The following CSMD1 variants were observed in gnomAD, a reference collection of about 807,000 sequenced individuals.
CSMD1 encodes CUB and sushi domain-containing protein 1.
CSMD1 carries 213 observed loss-of-function variants against 417.5 expected under a neutral mutation model. The observed-to-expected ratio is 0.51, with a 90% CI of 0.46 to 0.57. The LOEUF (loss-of-function observed/expected upper bound fraction) is 0.57, where lower values mean the gene tolerates loss of function less well. Ranked by LOEUF, CSMD1 falls within the 20% of genes least tolerant of loss-of-function variation. The probability of loss-of-function intolerance (pLI) is 0.00; values close to 1 mark genes in which losing one functional copy is unlikely to be tolerated. For missense variants in CSMD1, 6,923 were observed against 4,529.7 expected (o/e 1.53, Z -15.17); for synonymous variants, 2,862 against 1,736.8 (o/e 1.65, Z -16.11).
chr8:3,999,818 T>C (rs1339573867), intron 4 of CSMD1, among the ~76,000 whole-genome samples: 1 of 152,190 alleles, frequency 6.6e-6, no homozygotes, highest in Non-Finnish European at 1.5e-5. Flanking sequence ...GGTGTTCTCA[T>C]GTTTTAATAG....
rs144488267 is a variant in CSMD1, at chr8:4,357,285, C to A, written c.415+62668G>T. Among the ~76,000 whole-genome samples, 428 of 152,316 alleles carry A rather than the reference C, an allele frequency of 2.8e-3. 2 individuals are homozygous for A. The highest frequency in any genetic ancestry group is 9.5e-3 in the African/African-American group (396 of 41,568). ...TAAAAAGTAACCTTATAGATCTCATCTGGCCATTGTGCTTTCTCACATTTC... is the reference window on the plus strand; with the variant it reads ...TAAAAAGTAACCTTATAGATCTCATATGGCCATTGTGCTTTCTCACATTTC... On this transcript the variant is annotated intron_variant, in intron 3 of 69. Transcript: ENST00000635120.
chr8:3,411,869 T>C (rs1179304752), intron 12 of CSMD1, among the ~76,000 whole-genome samples: 1 of 124,218 alleles, frequency 8.1e-6, no homozygotes, highest in African/African-American at 2.8e-5. Context: ...CACGTATATA[T>C]GCACGTATAT....
chr8:3,110,690 A>C (rs1324815356), intron 42 of CSMD1, among the ~76,000 whole-genome samples: 5 of 152,244 alleles, frequency 3.3e-5, no homozygotes, highest in Non-Finnish European at 5.9e-5. Context: ...GAAAGTATTC[A>C]TAAATATGTA....
chr8:3,269,718 C>G (rs988054479), intron 26 of CSMD1, among the ~76,000 whole-genome samples: 1 of 152,124 alleles, frequency 6.6e-6, no homozygotes, highest in Non-Finnish European at 1.5e-5. Context: ...ACTCCATTTT[C>G]GTGAGTTTTA....
rs186994065 is a variant in CSMD1, at chr8:4,386,624, C to A, written c.415+33329G>T. Among the ~76,000 whole-genome samples the A allele has an allele frequency of 3.8e-3, 573 of 152,244 alleles. 5 individuals carry two copies. Among genetic ancestry groups the A allele is most frequent in the African/African-American group, 0.013 (526 of 41,546 alleles). On this transcript the variant is annotated intron_variant, in intron 3 of 69. Transcript: ENST00000635120. The stretch of plus-strand genomic sequence containing the variant: ...GCAGTTTATATTTAATCAGAGAGAC[C>A]CTGGCAAGCCATGGGAGTTATCTCA...
Position 3,713,921 on chromosome 8 carries a change from CAA to C in CSMD1, c.932-5432_932-5431del, listed in dbSNP as rs200874001. Reference sequence around the variant, plus strand: ...TAATTTTATCAATGCCTCTTCCAGGCAAAAAGTTTTATTTAAGTACTGCACCA... The same window carrying C: ...TAATTTTATCAATGCCTCTTCCAGGCAAAGTTTTATTTAAGTACTGCACCA... On this transcript the variant is annotated intron_variant, in intron 6 of 69. Coordinates refer to ENST00000635120, the MANE Select transcript of CSMD1 (RefSeq NM_033225.6). Among the ~76,000 whole-genome samples the C allele has an allele frequency of 7.9e-3, 1,202 of 151,938 alleles. 15 individuals are homozygous for C. The highest frequency in any genetic ancestry group is 0.028 in the African/African-American group (1,164 of 41,416).
Position 2,942,479 on chromosome 8 carries a change from T to C in CSMD1, c.10528A>G (p.Lys3510Glu), listed in dbSNP as rs1305040969. Reference sequence around the variant, plus strand: ...ATGGTGTTTCTGCAGTACCTGTGTTTGTAGAGGTAAAATGCAAACCCTGAT... The same window carrying C: ...ATGGTGTTTCTGCAGTACCTGTGTTCGTAGAGGTAAAATGCAAACCCTGAT... ...ILSGFAFYLYKHRTRPKVQYN... is the reference protein window; with the variant it reads ...ILSGFAFYLYEHRTRPKVQYN... Residue 3510 changes from lysine to glutamate, a missense_variant, in exon 69 of 70, where the codon AAA becomes GAA. Physicochemically the swap from Lys to Glu is moderately conservative, Grantham distance 56 (BLOSUM62 1). Transcript: ENST00000635120. 5 of 1,612,702 alleles carry C rather than the reference T, an allele frequency of 3.1e-6. No individual in the cohort carries two copies. The Admixed American group carries it at 8.3e-5, about 27-fold the overall frequency.
chr8:4,167,528 G>T lies in CSMD1; in HGVS notation c.416-135429C>A, dbSNP rs188792841. Reference sequence around the variant, plus strand: ...TTCTAAAATGTATGTAGCTACCTCTGATTTATATAAAATCTTGCTTGTTGC... The same window carrying T: ...TTCTAAAATGTATGTAGCTACCTCTTATTTATATAAAATCTTGCTTGTTGC... On this transcript the variant is annotated intron_variant, in intron 3 of 69. Transcript: ENST00000635120. Among the ~76,000 whole-genome samples, 16 of 152,222 alleles carry T rather than the reference G, an allele frequency of 1.1e-4. No individual in the cohort carries two copies. The South Asian group carries it at 2.3e-3, about 22-fold the overall frequency.
chr8:3,458,102 G>A (rs1240389346), intron 12 of CSMD1, among the ~76,000 whole-genome samples: 5 of 152,138 alleles, frequency 3.3e-5, no homozygotes, highest in South Asian at 2.1e-4. Context: ...CGTGAGCCCC[G>A]CAGCGCTTAA....
At chr8:4,234,150 C>G (rs896061411) in intron 3 of CSMD1, among the ~76,000 whole-genome samples, 1 of 152,162 alleles carries the variant, frequency 6.6e-6, no homozygotes, top group Non-Finnish European at 1.5e-5. Context: ...CTTCATAGGA[C>G]TGAGCACAGA....
chr8:3,555,538 G>C (rs948095778), intron 10 of CSMD1, among the ~76,000 whole-genome samples: 1 of 152,094 alleles, frequency 6.6e-6, no homozygotes, highest in Non-Finnish European at 1.5e-5. Context: ...TCCACAGCTG[G>C]GTGAACTTAA....
At chr8:3,052,263 C>G (rs2128989407) in intron 50 of CSMD1, among the ~76,000 whole-genome samples, 199 bp downstream of exon 50, 1 of 152,240 alleles carries the variant, frequency 6.6e-6, no homozygotes, top group Non-Finnish European at 1.5e-5. Context: ...ACCTAACATT[C>G]AAGAGTGCAT....
At chr8:4,487,076 T>G (rs889901062) in intron 2 of CSMD1, among the ~76,000 whole-genome samples, 3 of 152,112 alleles carry the variant, frequency 2.0e-5, no homozygotes, top group Admixed American at 6.5e-5. Flanking sequence ...GTTGGAGAAT[T>G]TTTTTTCTTT....
chr8:3,166,608 G>T (rs948977274), intron 37 of CSMD1, among the ~76,000 whole-genome samples: 1 of 152,108 alleles, frequency 6.6e-6, no homozygotes, highest in Non-Finnish European at 1.5e-5. Flanking sequence ...TTAGAAGAAC[G>T]ATGTTTGCAT....
intron 5 of CSMD1, among the ~76,000 whole-genome samples, chr8:3,872,757 T>C (rs1220005294): frequency 1.3e-5 from 2 of 151,792 alleles, no homozygotes; most frequent in Admixed American, 6.6e-5. Context: ...ACCGGAGAAA[T>C]TTTTTGCAAA....
chr8:4,169,095 T>A (rs1563215920), intron 3 of CSMD1, among the ~76,000 whole-genome samples: 1 of 152,204 alleles, frequency 6.6e-6, no homozygotes, highest in Non-Finnish European at 1.5e-5. Context: ...GCTGGCTTAG[T>A]CCTTGAACCT....
intron 5 of CSMD1, among the ~76,000 whole-genome samples, chr8:3,874,998 T>C (rs1805720102): frequency 6.6e-6 from 1 of 151,358 alleles, no homozygotes; most frequent in Non-Finnish European, 1.5e-5. Flanking sequence ...TCTGGCTGCA[T>C]CATCTCAAGA....
chr8:4,387,357 G>A (rs1385333773), intron 3 of CSMD1, among the ~76,000 whole-genome samples: 2 of 151,986 alleles, frequency 1.3e-5, no homozygotes, highest in East Asian at 1.9e-4. Flanking sequence ...ACACTCAGAA[G>A]TGCAAATTTC....
chr8:3,540,917 T>C (rs1315426153), intron 10 of CSMD1, among the ~76,000 whole-genome samples: 3 of 152,234 alleles, frequency 2.0e-5, no homozygotes, highest in Non-Finnish European at 4.4e-5. Context: ...AGAAACTCTT[T>C]TACACTGTTG....
Sources: gnomAD v4.1 joint callset for allele counts (sites outside exome capture counted in the v4.1 genomes callset) on GRCh38, gnomAD v4.1.1 for gene constraint, MANE v1.5 for transcripts, NCBI Gene and HGNC (gene_info 2026-07-23, HGNC 2026-07-21) for gene names.